The following ADAMTS6 variants were observed in gnomAD, a reference collection of about 807,000 sequenced individuals.
ADAMTS6 encodes the protein A disintegrin and metalloproteinase with thrombospondin motifs 6.
ADAMTS6 carries 23 observed loss-of-function variants against 144.3 expected under a neutral mutation model. The observed-to-expected ratio is 0.16, with a 90% confidence interval of 0.11 to 0.23. The LOEUF (loss-of-function observed/expected upper bound fraction) is 0.23. Among genes scored for constraint, ADAMTS6 ranks in the 10% least tolerant of loss-of-function variants. ADAMTS6 has a pLI of 1.00. For missense variants in ADAMTS6, 999 were observed against 1,379.6 expected, an observed-to-expected ratio of 0.72 and a Z score of 4.37; for synonymous variants, 444 against 457.5, an observed-to-expected ratio of 0.97 and a Z score of 0.38.
At chr5:65,372,688 G>A (rs1266544641) in intron 7 of ADAMTS6, among the ~76,000 whole-genome samples, 2 of 152,106 alleles carry the variant, frequency 1.3e-5, no homozygotes, top group African/African-American at 4.8e-5. Context: ...GTCAACATTA[G>A]ACAGATCAAT....
intron 7 of ADAMTS6, among the ~76,000 whole-genome samples, chr5:65,425,815 G>A (rs945515050): frequency 6.6e-6 from 1 of 151,066 alleles, no homozygotes; most frequent in African/African-American, 2.4e-5. Flanking sequence ...CCAGGCTTGA[G>A]TGCAGTGGCG....
chr5:65,244,830 C>A (rs904867231), intron 14 of ADAMTS6, among the ~76,000 whole-genome samples: 1 of 152,122 alleles, frequency 6.6e-6, no homozygotes, highest in African/African-American at 2.4e-5. Context: ...CAGGTTTTAG[C>A]TTCCTTAAAA....
At chr5:65,397,820 T>C (rs1379297087) in intron 7 of ADAMTS6, among the ~76,000 whole-genome samples, 1 of 146,730 alleles carries the variant, frequency 6.8e-6, no homozygotes, top group Non-Finnish European at 1.5e-5. Context: ...GAGGATGCAG[T>C]GAGCTATGAT....
intron 9 of ADAMTS6, among the ~76,000 whole-genome samples, chr5:65,326,827 T>G (rs1167486463): frequency 6.6e-6 from 1 of 152,120 alleles, no homozygotes; most frequent in African/African-American, 2.4e-5. Flanking sequence ...GACCGCTAAG[T>G]CCCTAAAGGC....
At chr5:65,190,405 A>T (rs1754937864) in intron 21 of ADAMTS6, among the ~76,000 whole-genome samples, 1 of 152,174 alleles carries the variant, frequency 6.6e-6, no homozygotes, top group African/African-American at 2.4e-5. Context: ...TGAAAATAAT[A>T]CTTGCATGCC....
intron 12 of ADAMTS6, 48 bp from the exon 13 acceptor site, chr5:65,263,010 G>A: frequency 6.2e-7 from 1 of 1,611,226 alleles, no homozygotes. Context: ...GGCAGATAGA[G>A]CTATCAGGAT....
intron 5 of ADAMTS6, 111 bp downstream of exon 5, chr5:65,452,596 T>C (rs1419545007): frequency 8.4e-7 from 1 of 1,186,444 alleles, no homozygotes; most frequent in Non-Finnish European, 1.2e-6. Flanking sequence ...TTTTTTACCA[T>C]TTTAGACAGG....
chr5:65,310,444 T>C, intron 9 of ADAMTS6, among the ~76,000 whole-genome samples: 1 of 152,134 alleles, frequency 6.6e-6, no homozygotes, highest in Non-Finnish European at 1.5e-5. Flanking sequence ...AAGGATCACT[T>C]GAGCCCAGGA....
At position 65,452,854 on chromosome 5, in the gene ADAMTS6, T is replaced by C. The variant is rs1309615; in HGVS notation, c.696A>G (p.Pro232=). The C allele has an allele frequency of 0.056, 89,952 of 1,614,064 alleles. 3,003 individuals carry two copies. Among genetic ancestry groups the C allele is most frequent in the Non-Finnish European group, 0.066 (77,589 of 1,179,944 alleles). ...TGTGGTGGATATGTGTGTTGTTAATTGGTAGTGAATAAGAAACAGTGGATG... is the reference window on the plus strand; with the variant it reads ...TGTGGTGGATATGTGTGTTGTTAATCGGTAGTGAATAAGAAACAGTGGATG... ...NDTSTVSYSL[P]INNTHIHHRQ... Residue 232 remains proline, a synonymous_variant, in exon 5 of 25, where the codon CCA becomes CCG. Transcript: ENST00000381055.
At chr5:65,371,070 G>C (rs1750849675) in intron 7 of ADAMTS6, among the ~76,000 whole-genome samples, 1 of 152,140 alleles carries the variant, frequency 6.6e-6, no homozygotes, top group African/African-American at 2.4e-5. Context: ...TGTCCTGTCT[G>C]TTAGAAGGAA....
chr5:65,396,590 G>A (rs1424089716), intron 7 of ADAMTS6, among the ~76,000 whole-genome samples: 2 of 152,122 alleles, frequency 1.3e-5, no homozygotes, highest in Admixed American at 1.3e-4. Flanking sequence ...GCATCTTATC[G>A]TCCATCGGAT....
At chr5:65,263,850 TATGA>T (rs1398505652) in intron 12 of ADAMTS6, among the ~76,000 whole-genome samples, 1 of 152,250 alleles carries the variant, frequency 6.6e-6, no homozygotes, top group Non-Finnish European at 1.5e-5. Flanking sequence ...CATTTGTTTA[TATGA>T]ATAACAATAA....
chr5:65,264,497 A>T (rs1761455577), intron 12 of ADAMTS6, among the ~76,000 whole-genome samples: 1 of 152,098 alleles, frequency 6.6e-6, no homozygotes, highest in South Asian at 2.1e-4. Flanking sequence ...GACCATCCTC[A>T]TTCTAAAATG....
chr5:65,292,357 A>G lies in ADAMTS6; in HGVS notation c.1371-887T>C, dbSNP rs555509940. On this transcript the variant is annotated intron_variant, in intron 10 of 24. Coordinates refer to ENST00000381055, the MANE Select transcript of ADAMTS6 (RefSeq NM_197941.4). ...TGCCAACATTTAAAAATTTTTTCCA[A>G]CATTCCTGTCCATTGTGCCAGCACT... Among the ~76,000 whole-genome samples, 251 of 150,098 alleles carry G rather than the reference A, an allele frequency of 1.7e-3. 2 individuals are homozygous for G. The highest frequency in any genetic ancestry group is 0.01 in the Middle Eastern group (3 of 286).
intron 7 of ADAMTS6, among the ~76,000 whole-genome samples, chr5:65,358,875 T>G (rs1265175193): frequency 1.3e-5 from 2 of 151,848 alleles, no homozygotes; most frequent in Non-Finnish European, 2.9e-5. Context: ...AAAAATCAAC[T>G]CAAAATGGAT....
At chr5:65,210,398 T>C (rs903770557) in intron 20 of ADAMTS6, 1 of 161,724 alleles carries the variant, frequency 6.2e-6, no homozygotes, top group Non-Finnish European at 1.2e-5. Context: ...TTGCAGTGAG[T>C]CGAGATCGCG....
intron 22 of ADAMTS6, among the ~76,000 whole-genome samples, chr5:65,182,662 C>T (rs1185719710): frequency 3.9e-5 from 6 of 152,120 alleles, no homozygotes; most frequent in Admixed American, 3.9e-4. Context: ...AAAAATAAAG[C>T]TCTGAAAGAT....
intron 3 of ADAMTS6, among the ~76,000 whole-genome samples, chr5:65,465,489 C>T (rs245525): frequency 0.53 from 80,157 of 152,034 alleles, 21,566 homozygotes; most frequent in African/African-American, 0.55. Flanking sequence ...AAACCTCCTG[C>T]GACCACACTT....
chr5:65,153,154 T>G (rs555301298), intron 24 of ADAMTS6, among the ~76,000 whole-genome samples: 6 of 152,326 alleles, frequency 3.9e-5, no homozygotes, highest in Admixed American at 1.3e-4. Context: ...TTCTTATTAT[T>G]GAATATGAAG....
Sources: gnomAD v4.1 joint callset for allele counts (sites outside exome capture counted in the v4.1 genomes callset) on GRCh38, gnomAD v4.1.1 for gene constraint, MANE v1.5 for transcripts, NCBI Gene and HGNC (gene_info 2026-07-23, HGNC 2026-07-21) for gene names.